TECRL: variants seen among roughly 807,000 people sequenced by gnomAD.
TECRL encodes trans-2,3-enoyl-CoA reductase-like.
In TECRL, 63 loss-of-function variants were observed where a neutral mutation model predicts 52.8. The ratio of observed to expected loss-of-function variants is 1.19; its 90% CI spans 0.97 to 1.47. The LOEUF is 1.47. Ranked by LOEUF, TECRL falls within the 40% of genes most tolerant of loss-of-function variation. The probability of loss-of-function intolerance (pLI) is 0.00; values close to 1 mark genes in which losing one functional copy is unlikely to be tolerated. For missense variants in TECRL, 482 were observed against 429.6 expected (o/e 1.12, Z -1.08); for synonymous variants, 164 against 141.9 (o/e 1.16, Z -1.10).
At chr4:64,298,572 A>T in intron 8 of TECRL, among the ~76,000 whole-genome samples, 1 of 150,430 alleles carries the variant, frequency 6.6e-6, no homozygotes, top group East Asian at 1.9e-4. Flanking sequence ...TTATAGTATT[A>T]TCATACACAT....
Position 64,279,966 on chromosome 4 carries a change from A to G in TECRL, c.*106T>C, listed in dbSNP as rs1722734067. On this transcript the variant is annotated 3_prime_UTR_variant, in exon 12 of 12. Coordinates refer to ENST00000381210, the MANE Select transcript of TECRL (RefSeq NM_001010874.5). ...TTTTATATTTTTACTCAGTGTATATACTGTTGCTCATGAATTGTTGGAGTA... is the reference window on the plus strand; with the variant it reads ...TTTTATATTTTTACTCAGTGTATATGCTGTTGCTCATGAATTGTTGGAGTA... 4 of 1,439,962 alleles carry G rather than the reference A, an allele frequency of 2.8e-6. No individual in the cohort carries two copies. The South Asian group carries it at 5.8e-5, about 21-fold the overall frequency. 89.2% of individuals were successfully genotyped at this position (1,439,962 alleles called of 1,614,324 possible). A position where few individuals can be genotyped will look rare whatever the true frequency, so the allele number is the denominator to read the frequency against.
chr4:64,292,980 G>T (rs1432627324), intron 8 of TECRL, among the ~76,000 whole-genome samples: 2 of 151,870 alleles, frequency 1.3e-5, no homozygotes, highest in Non-Finnish European at 2.9e-5. Flanking sequence ...GCGCAGGCGT[G>T]GCTTAAAGCA....
intron 7 of TECRL, among the ~76,000 whole-genome samples, chr4:64,303,928 T>C (rs1234687343): frequency 2.0e-5 from 3 of 151,888 alleles, no homozygotes; most frequent in African/African-American, 4.8e-5. Flanking sequence ...ATCTTATGCA[T>C]TTAAAGATCT....
chr4:64,365,951 G>A (rs907453226), intron 2 of TECRL, among the ~76,000 whole-genome samples: 17 of 151,922 alleles, frequency 1.1e-4, no homozygotes, highest in Admixed American at 9.9e-4. Flanking sequence ...AACAAATAAA[G>A]CTGGAAGCAT....
In TECRL at chr4:64,281,575, G is replaced by C; in HGVS notation, c.833-16C>G. 7 of 1,442,854 alleles carry C rather than the reference G, an allele frequency of 4.9e-6. No homozygotes were observed. Among genetic ancestry groups the C allele is most frequent in the Non-Finnish European group, 6.8e-6 (7 of 1,032,858 alleles). 89.4% of individuals were successfully genotyped at this position (1,442,854 alleles called of 1,614,324 possible). On this transcript the variant is annotated splice_polypyrimidine_tract_variant and intron_variant, in intron 9 of 11. Coordinates refer to ENST00000381210, the MANE Select transcript of TECRL (RefSeq NM_001010874.5). ...GCATTGTTTCCTTTTTCAAAGGAAA[G>C]TAAAATGTCAATGATGCTACACATT... is the stretch of plus-strand genomic sequence containing the variant.
chr4:64,345,105 G>C (rs970852751), intron 2 of TECRL, among the ~76,000 whole-genome samples: 2 of 152,136 alleles, frequency 1.3e-5, no homozygotes, highest in African/African-American at 4.8e-5. Flanking sequence ...TTACACTGTT[G>C]GTGGGACTGT....
intron 1 of TECRL, among the ~76,000 whole-genome samples, chr4:64,406,273 C>G (rs1724722016): frequency 6.6e-6 from 1 of 151,754 alleles, no homozygotes; most frequent in Non-Finnish European, 1.5e-5. Flanking sequence ...TATTTTGAGT[C>G]TATACTTTGT....
intron 1 of TECRL, among the ~76,000 whole-genome samples, chr4:64,394,299 C>A (rs1460898617): frequency 1.3e-5 from 2 of 152,080 alleles, no homozygotes; most frequent in Admixed American, 1.3e-4. Flanking sequence ...ATAGAAGAGA[C>A]AACTATCAAA....
intron 2 of TECRL, among the ~76,000 whole-genome samples, chr4:64,348,338 A>C (rs566556220): frequency 6.6e-6 from 1 of 152,116 alleles, no homozygotes; most frequent in Non-Finnish European, 1.5e-5. Flanking sequence ...CTATCAGGAG[A>C]ACAGCATGGT....
At chr4:64,319,667 T>G (rs1048680882) in intron 4 of TECRL, among the ~76,000 whole-genome samples, 3 of 151,876 alleles carry the variant, frequency 2.0e-5, no homozygotes, top group Admixed American at 6.6e-5. Context: ...GCAGCTTTAT[T>G]TGTTAATAGC....
chr4:64,407,380 TTTAA>T (rs1256317320), intron 1 of TECRL, among the ~76,000 whole-genome samples: 6 of 152,028 alleles, frequency 3.9e-5, no homozygotes, highest in Non-Finnish European at 7.4e-5. Context: ...TTTTTCACAA[TTTAA>T]TTAACACGTA....
chr4:64,290,506 T>TA (rs1723320351), intron 8 of TECRL, among the ~76,000 whole-genome samples: 1 of 152,154 alleles, frequency 6.6e-6, no homozygotes, highest in Non-Finnish European at 1.5e-5. Context: ...TCAAAATTGT[T>TA]ATTGTTTGAA....
intron 2 of TECRL, among the ~76,000 whole-genome samples, chr4:64,360,605 C>T (rs1309147812): frequency 6.6e-6 from 1 of 152,034 alleles, no homozygotes; most frequent in Non-Finnish European, 1.5e-5. Flanking sequence ...GATTAGCACA[C>T]TATAAACAGA....
chr4:64,326,937 T>A (rs1216435302), intron 3 of TECRL, among the ~76,000 whole-genome samples: 2 of 152,148 alleles, frequency 1.3e-5, no homozygotes, highest in Non-Finnish European at 2.9e-5. Flanking sequence ...TGTTTTGGTA[T>A]TGCCTTTTTT....
At chr4:64,326,515 A>G (rs1027418787) in intron 3 of TECRL, among the ~76,000 whole-genome samples, 9 of 152,108 alleles carry the variant, frequency 5.9e-5, no homozygotes, top group African/African-American at 2.2e-4. Flanking sequence ...GCTATTTCCA[A>G]ACCTGGGCTT....
At chr4:64,393,210 A>G (rs763187781) in intron 1 of TECRL, among the ~76,000 whole-genome samples, 18 of 152,078 alleles carry the variant, frequency 1.2e-4, no homozygotes, top group South Asian at 2.1e-4. Context: ...TAGAGGGGGG[A>G]AAATATTCTG....
intron 1 of TECRL, among the ~76,000 whole-genome samples, chr4:64,378,293 T>C (rs1022620441): frequency 1.3e-5 from 2 of 151,950 alleles, no homozygotes; most frequent in African/African-American, 4.8e-5. Flanking sequence ...AGGCCAGACT[T>C]GGTGGCTCAG....
intron 1 of TECRL, among the ~76,000 whole-genome samples, chr4:64,400,508 A>C (rs2109778390): frequency 6.6e-6 from 1 of 152,260 alleles, no homozygotes; most frequent in South Asian, 2.1e-4. Flanking sequence ...GGAGGGACCA[A>C]GGGCAGAAAA....
At chr4:64,385,696 T>C (rs1387269345) in intron 1 of TECRL, among the ~76,000 whole-genome samples, 1 of 152,134 alleles carries the variant, frequency 6.6e-6, no homozygotes, top group Non-Finnish European at 1.5e-5. Context: ...AATGGAGCAG[T>C]GCAGCAGCTA....
Sources: gnomAD v4.1 joint callset for allele counts (sites outside exome capture counted in the v4.1 genomes callset) on GRCh38, gnomAD v4.1.1 for gene constraint, MANE v1.5 for transcripts, NCBI Gene and HGNC (gene_info 2026-07-23, HGNC 2026-07-21) for gene names.